The following ZSWIM5 variants were observed in gnomAD, a reference collection of about 807,000 sequenced individuals.
ZSWIM5 encodes the protein zinc finger SWIM-type containing 5, also known as zinc finger SWIM domain-containing protein 5.
Under a neutral mutation model 119.6 loss-of-function variants are expected in ZSWIM5, and 55 were observed. That is an observed-to-expected ratio of 0.46 (90% CI 0.37 to 0.58). The LOEUF (loss-of-function observed/expected upper bound fraction) is 0.58. Among genes scored for constraint, ZSWIM5 ranks in the 20% least tolerant of loss-of-function variants. The pLI is 0.00. For synonymous variants in ZSWIM5, 537 were observed against 606.9 expected, an observed-to-expected ratio of 0.88 and a Z score of 1.69; for missense variants, 1,193 against 1,512.8, an observed-to-expected ratio of 0.79 and a Z score of 3.51.
At chr1:45,116,632 A>G (rs1365607591) in intron 1 of ZSWIM5, among the ~76,000 whole-genome samples, 3 of 152,230 alleles carry the variant, frequency 2.0e-5, no homozygotes, top group Admixed American at 6.5e-5. Flanking sequence ...GCAGTAAGGT[A>G]TGGCAGGAAA....
chr1:45,029,494 G>C (rs1000339663), intron 11 of ZSWIM5, among the ~76,000 whole-genome samples: 2 of 152,166 alleles, frequency 1.3e-5, no homozygotes, highest in Non-Finnish European at 2.9e-5. Context: ...ACTGTGATCA[G>C]TTGATTAAAG....
intron 8 of ZSWIM5, among the ~76,000 whole-genome samples, chr1:45,037,252 A>G (rs1398288677): frequency 2.0e-5 from 3 of 151,756 alleles, no homozygotes; most frequent in African/African-American, 7.3e-5. Context: ...CTGGGATTAC[A>G]GGCACACACC....
rs1168436153 is a variant in ZSWIM5, at chr1:45,034,358, T to C, written c.2403A>G (p.Glu801=). Residue 801 remains glutamate, a synonymous_variant, in exon 11 of 14, where the codon GAA becomes GAG. Transcript: ENST00000359600. ...YPRWFTLGHL[E]SQQCELASTM... ...TGGAGGCCAGTTCACACTGCTGTGA[T>C]TCCAAGTGTCCAAGCGTGAACCAGC... 1 of 1,613,660 alleles carries C rather than the reference T, an allele frequency of 6.2e-7. No homozygotes were observed. The highest frequency in any genetic ancestry group is 8.5e-7 in the Non-Finnish European group (1 of 1,179,850).
At chr1:45,115,092 A>G (rs980715764) in intron 1 of ZSWIM5, among the ~76,000 whole-genome samples, 1 of 151,996 alleles carries the variant, frequency 6.6e-6, no homozygotes, top group African/African-American at 2.4e-5. Context: ...TTTTCCCCAC[A>G]TTTCCCCCTT....
At position 45,040,380 on chromosome 1, in the gene ZSWIM5, T is replaced by C. The variant is rs769106880; in HGVS notation, c.1756+12A>G. On this transcript the variant is annotated intron_variant, in intron 7 of 13. Transcript: ENST00000359600. ...GGGCCTAAGGGGGTTAGATGGCTCCTAATTACTATACCTTTCTTCTGATGC... is the reference window on the plus strand; with the variant it reads ...GGGCCTAAGGGGGTTAGATGGCTCCCAATTACTATACCTTTCTTCTGATGC... The C allele has an allele frequency of 1.3e-5, 21 of 1,597,194 alleles. No individual in the cohort carries two copies. The South Asian group carries it at 2.4e-4, about 18-fold the overall frequency.
chr1:45,181,960 C>A (rs1409939258), intron 1 of ZSWIM5, among the ~76,000 whole-genome samples: 6 of 152,076 alleles, frequency 3.9e-5, no homozygotes, highest in African/African-American at 1.4e-4. Context: ...ACAACTGGTA[C>A]CAGCCGCTGC....
At chr1:45,192,146 A>G (rs1646096500) in intron 1 of ZSWIM5, among the ~76,000 whole-genome samples, 1 of 152,164 alleles carries the variant, frequency 6.6e-6, no homozygotes, top group Non-Finnish European at 1.5e-5. Flanking sequence ...AAATATACTA[A>G]GATTTATCAT....
chr1:45,050,959 T>C (rs565683656), intron 5 of ZSWIM5, 115 bp downstream of exon 5: 153 of 1,042,498 alleles, frequency 1.5e-4, no homozygotes, highest in Non-Finnish European at 2.0e-4. Flanking sequence ...GCTTTTCTTA[T>C]TTAGAATGGC....
intron 1 of ZSWIM5, among the ~76,000 whole-genome samples, chr1:45,097,830 T>G (rs1007571979): frequency 6.6e-6 from 1 of 151,974 alleles, no homozygotes; most frequent in Non-Finnish European, 1.5e-5. Flanking sequence ...GTCTCCTGAG[T>G]AGCTGGGATT....
intron 1 of ZSWIM5, among the ~76,000 whole-genome samples, chr1:45,101,191 T>C (rs1645437703): frequency 2.0e-5 from 3 of 151,918 alleles, no homozygotes; most frequent in African/African-American, 7.3e-5. Context: ...CTTAAACAAA[T>C]TTACAAGAAA....
chr1:45,101,097 G>A (rs537417175), intron 1 of ZSWIM5, among the ~76,000 whole-genome samples: 1,528 of 152,052 alleles, frequency 0.01, 32 homozygotes, highest in African/African-American at 0.035. Context: ...TACCATCAGA[G>A]TGAACAGGCA....
intron 1 of ZSWIM5, among the ~76,000 whole-genome samples, chr1:45,167,111 G>A (rs1645910170): frequency 6.6e-6 from 1 of 151,990 alleles, no homozygotes; most frequent in Non-Finnish European, 1.5e-5. Flanking sequence ...CATGGTACTG[G>A]TACCAAAACA....
At chr1:45,112,999 C>T (rs527448694) in intron 1 of ZSWIM5, among the ~76,000 whole-genome samples, 11 of 152,278 alleles carry the variant, frequency 7.2e-5, no homozygotes, top group African/African-American at 2.6e-4. Flanking sequence ...AGTCTGAATG[C>T]TTAATTGATT....
chr1:45,049,878 G>A (rs571253001), intron 5 of ZSWIM5, among the ~76,000 whole-genome samples: 1 of 152,222 alleles, frequency 6.6e-6, no homozygotes, highest in Non-Finnish European at 1.5e-5. Flanking sequence ...CCTGTGTTGT[G>A]GAAGCTAGAT....
At chr1:45,023,689 C>T (rs965793792) in intron 11 of ZSWIM5, among the ~76,000 whole-genome samples, 9 of 152,134 alleles carry the variant, frequency 5.9e-5, no homozygotes, top group African/African-American at 1.9e-4. Flanking sequence ...GCTTTTGTGT[C>T]GACATGTTTT....
intron 1 of ZSWIM5, among the ~76,000 whole-genome samples, chr1:45,099,441 T>C (rs1645423967): frequency 6.6e-6 from 1 of 152,136 alleles, no homozygotes; most frequent in Non-Finnish European, 1.5e-5. Flanking sequence ...CAGGACCAGA[T>C]GGATTCACAG....
chr1:45,124,874 G>C (rs1475840144), intron 1 of ZSWIM5, among the ~76,000 whole-genome samples: 7 of 152,150 alleles, frequency 4.6e-5, no homozygotes, highest in Non-Finnish European at 1.0e-4. Flanking sequence ...CATAATGATA[G>C]AGTCAATTAA....
At chr1:45,182,513 G>A (rs1179379332) in intron 1 of ZSWIM5, among the ~76,000 whole-genome samples, 8 of 152,078 alleles carry the variant, frequency 5.3e-5, no homozygotes, top group South Asian at 2.1e-4. Context: ...CATCTCACGT[G>A]CAGAGACACA....
intron 1 of ZSWIM5, among the ~76,000 whole-genome samples, chr1:45,181,927 G>C (rs1646022179): frequency 6.6e-6 from 1 of 152,062 alleles, no homozygotes; most frequent in African/African-American, 2.4e-5. Flanking sequence ...AGCTCCTGAA[G>C]GAAGCACTAA....
Sources: gnomAD v4.1 joint callset for allele counts (sites outside exome capture counted in the v4.1 genomes callset) on GRCh38, gnomAD v4.1.1 for gene constraint, MANE v1.5 for transcripts, NCBI Gene and HGNC (gene_info 2026-07-23, HGNC 2026-07-21) for gene names.